The following ARHGEF26 variants were observed in gnomAD, a reference collection of about 807,000 sequenced individuals.
ARHGEF26 encodes Rho guanine nucleotide exchange factor 26, also known as Rho guanine nucleotide exchange factor (GEF) 26.
A neutral mutation model predicts 89.4 loss-of-function variants in ARHGEF26; 59 were observed. The observed-to-expected ratio is 0.66, with a 90% CI of 0.54 to 0.82. The LOEUF (loss-of-function observed/expected upper bound fraction) is 0.82. ARHGEF26 is among the 40% of genes least tolerant of loss of function. The pLI is 0.00. For missense variants in ARHGEF26, 1,234 were observed against 1,085.6 expected, an observed-to-expected ratio of 1.14 and a Z score of -1.92; for synonymous variants, 500 against 428.4, an observed-to-expected ratio of 1.17 and a Z score of -2.06.
rs371966625 is a variant in ARHGEF26 at position 154,177,417 on chromosome 3, A to T, written c.1488-10268A>T. Among the ~76,000 whole-genome samples, 6 of 152,306 alleles carry T rather than the reference A, an allele frequency of 3.9e-5. No individual in the cohort carries two copies. The East Asian group carries it at 5.8e-4, about 15-fold the overall frequency. The stretch of plus-strand genomic sequence containing the variant: ...TCTTACCAGGGTACCTTGCATGGTG[A>T]TTAGGCAGAAGGATAAGAGTTGTGA... On this transcript the variant is annotated intron_variant, in intron 6 of 14. Coordinates refer to ENST00000465093, the MANE Select transcript of ARHGEF26 (RefSeq NM_015595.4).
At chr3:154,137,775 G>A (rs1365237522) in intron 4 of ARHGEF26, among the ~76,000 whole-genome samples, 1 of 148,458 alleles carries the variant, frequency 6.7e-6, no homozygotes, top group Non-Finnish European at 1.5e-5. Flanking sequence ...CCAGGAGTTT[G>A]AGACCAGCCT....
chr3:154,133,238 A>T (rs1014294915), intron 4 of ARHGEF26, among the ~76,000 whole-genome samples: 9 of 152,128 alleles, frequency 5.9e-5, no homozygotes, highest in Middle Eastern at 3.4e-3. Context: ...GTTTCATTGG[A>T]CCATGCTGGG....
At chr3:154,121,842 C>T (rs1717944524) in intron 1 of ARHGEF26, 100 bp from the exon 2 acceptor site, 2 of 1,105,018 alleles carry the variant, frequency 1.8e-6, no homozygotes, top group Admixed American at 2.9e-5. Context: ...CAGTCGTGTC[C>T]TGCGCAGCAG....
rs374472368 is a variant in ARHGEF26, at chr3:154,122,466, C to T, written c.474C>T (p.Pro158=). 3 of 1,612,260 alleles carry T rather than the reference C, an allele frequency of 1.9e-6. No individual in the cohort carries two copies. The highest frequency in any genetic ancestry group is 2.7e-5 in the African/African-American group (2 of 74,918). ...CTAACGCGCCCGCCCCCTGCACCCC[C>T]GAGGAGGACCTTACTGGGTTGACTG... ...RTPNAPAPCT[P]EEDLTGLTAS... is the part of the protein sequence containing the mutation. The change falls in exon 2 of 15, where the codon CCC becomes CCT. Residue 158 remains proline, a synonymous_variant. Coordinates refer to ENST00000465093, the MANE Select transcript of ARHGEF26 (RefSeq NM_015595.4).
intron 9 of ARHGEF26, among the ~76,000 whole-genome samples, chr3:154,207,833 C>T (rs1715122289): frequency 6.6e-6 from 1 of 152,118 alleles, no homozygotes; most frequent in Admixed American, 6.5e-5. Flanking sequence ...ATAACAAAGA[C>T]ATGGAATCCA....
At chr3:154,228,919 C>A (rs1229061410) in intron 11 of ARHGEF26, among the ~76,000 whole-genome samples, 2 of 152,308 alleles carry the variant, frequency 1.3e-5, no homozygotes, top group East Asian at 1.9e-4. Flanking sequence ...AGTCAAGGAA[C>A]TTAGCAGCTG....
intron 12 of ARHGEF26, among the ~76,000 whole-genome samples, chr3:154,242,703 T>C (rs1306606420): frequency 6.6e-6 from 1 of 152,164 alleles, no homozygotes; most frequent in African/African-American, 2.4e-5. Context: ...TTGCATGCTA[T>C]ACAGAAATCT....
chr3:154,122,172 C>CG lies in ARHGEF26; in HGVS notation c.181dup (p.Ala61GlyfsTer19), dbSNP rs761549962. The CG allele has an allele frequency of 1.9e-6, 3 of 1,597,748 alleles. No individual in the cohort carries two copies. The highest frequency in any genetic ancestry group is 2.6e-6 in the Non-Finnish European group (3 of 1,172,454). ...CGGTGGAGGACGGAGGGACGCTCCT[C>CG]GCAGCGCAGATTCCCGCCCAGGTGC... On this transcript the variant is annotated frameshift_variant, in exon 2 of 15. Transcript: ENST00000465093. LOFTEE classifies it high-confidence loss of function.
At chr3:154,243,284 GA>G (rs1213974297) in intron 12 of ARHGEF26, among the ~76,000 whole-genome samples, 1 of 152,200 alleles carries the variant, frequency 6.6e-6, no homozygotes, top group African/African-American at 2.4e-5. Context: ...TAGTAATGGT[GA>G]AAGTGTTGCT....
intron 4 of ARHGEF26, among the ~76,000 whole-genome samples, chr3:154,134,607 A>G (rs1435048241): frequency 2.0e-5 from 3 of 152,146 alleles, no homozygotes; most frequent in Non-Finnish European, 4.4e-5. Context: ...AACCATATCA[A>G]CTATATTGAA....
At chr3:154,253,037 T>C in intron 12 of ARHGEF26, 79 bp from the exon 13 acceptor site, 1 of 1,516,734 alleles carries the variant, frequency 6.6e-7, no homozygotes, top group Non-Finnish European at 9.1e-7. Flanking sequence ...GGAGTGCCTT[T>C]GCATTGGCTG....
intron 3 of ARHGEF26, 114 bp from the exon 4 acceptor site, chr3:154,129,460 T>C (rs1196447602): frequency 8.8e-7 from 1 of 1,138,550 alleles, no homozygotes; most frequent in Non-Finnish European, 1.2e-6. Context: ...AATCTGTTTG[T>C]CTCTCTGTTT....
intron 6 of ARHGEF26, among the ~76,000 whole-genome samples, chr3:154,170,863 C>T (rs1228323951): frequency 6.6e-6 from 1 of 152,198 alleles, no homozygotes; most frequent in Non-Finnish European, 1.5e-5. Flanking sequence ...ATTGTATGGT[C>T]ACCCTCTAAT....
intron 9 of ARHGEF26, among the ~76,000 whole-genome samples, chr3:154,213,584 T>G (rs182176922): frequency 2.0e-4 from 30 of 152,226 alleles, no homozygotes; most frequent in Non-Finnish European, 3.5e-4. Flanking sequence ...ATTTGGAAGT[T>G]TAAGAAATAA....
chr3:154,188,901 G>C (rs546960267), intron 7 of ARHGEF26, among the ~76,000 whole-genome samples: 19 of 152,224 alleles, frequency 1.2e-4, no homozygotes, highest in African/African-American at 3.9e-4. Flanking sequence ...GGGTTTGTTC[G>C]CACAATTGAC....
intron 13 of ARHGEF26, among the ~76,000 whole-genome samples, chr3:154,253,831 C>A (rs912529157): frequency 1.3e-5 from 2 of 152,152 alleles, no homozygotes; most frequent in South Asian, 2.1e-4. Flanking sequence ...CTGGAACACT[C>A]AAAAATTATA....
chr3:154,202,122 G>A (rs2108212682), intron 9 of ARHGEF26, among the ~76,000 whole-genome samples: 1 of 152,262 alleles, frequency 6.6e-6, no homozygotes, highest in African/African-American at 2.4e-5. Context: ...TTCTTCTAGA[G>A]TTTTTATGGT....
intron 10 of ARHGEF26, among the ~76,000 whole-genome samples, chr3:154,225,200 A>G (rs956887838): frequency 1.3e-5 from 2 of 152,184 alleles, no homozygotes; most frequent in Non-Finnish European, 2.9e-5. Flanking sequence ...TATAATGATT[A>G]TGATGGATTA....
At chr3:154,128,086 C>T (rs1718448066) in intron 3 of ARHGEF26, among the ~76,000 whole-genome samples, 1 of 152,128 alleles carries the variant, frequency 6.6e-6, no homozygotes, top group Admixed American at 6.5e-5. Flanking sequence ...GTTCTCACCT[C>T]TATATAAATC....
Sources: allele counts gnomAD v4.1 joint callset (sites outside exome capture counted in the v4.1 genomes callset), GRCh38; gene constraint gnomAD v4.1.1; transcripts MANE v1.5; gene names NCBI Gene and HGNC (gene_info 2026-07-23, HGNC 2026-07-21).